Variants in UTP4 observed in about 807,000 individuals in gnomAD.
UTP4 encodes the protein U3 small nucleolar RNA-associated protein 4 homolog.
UTP4 carries 45 observed loss-of-function variants against 82.4 expected under a neutral mutation model. That is an observed-to-expected ratio of 0.55 (90% CI 0.43 to 0.70). UTP4 has a LOEUF of 0.70. Among genes scored for constraint, UTP4 ranks in the 30% least tolerant of loss-of-function variants. The pLI is 0.00. For missense variants in UTP4, 819 were observed against 858.3 expected (o/e 0.95, Z 0.57); for synonymous variants, 348 against 300.3 (o/e 1.16, Z -1.64).
At chr16:69,140,444 G>A (rs117573633) in intron 5 of UTP4, among the ~76,000 whole-genome samples, 1,785 of 152,198 alleles carry the variant, frequency 0.012, 20 homozygotes, top group Non-Finnish European at 0.018. Flanking sequence ...GGCTGGGCGC[G>A]GTGGCTCATG....
At chr16:69,156,179 A>T (rs1343610585) in intron 11 of UTP4, among the ~76,000 whole-genome samples, 186 bp downstream of exon 11, 19 of 106,838 alleles carry the variant, frequency 1.8e-4, no homozygotes, top group Admixed American at 9.5e-4. Context: ...TTTGAGACGG[A>T]GTTTTGCTCT....
At chr16:69,168,571 C>A (rs1001863636) in intron 16 of UTP4, among the ~76,000 whole-genome samples, 3 of 151,896 alleles carry the variant, frequency 2.0e-5, no homozygotes. Context: ...GCACGTTGAT[C>A]ATGTCTATGA....
At chr16:69,151,051 G>T in intron 8 of UTP4, 147 bp downstream of exon 8, 3 of 696,592 alleles carry the variant, frequency 4.3e-6, no homozygotes, top group Non-Finnish European at 7.6e-6. Flanking sequence ...TTGTTGCCCA[G>T]GCTGGAGTGC....
At chr16:69,160,598 CTT>C (rs369908672) in intron 13 of UTP4, 136 bp downstream of exon 13, 8,830 of 546,524 alleles carry the variant, frequency 0.016, no homozygotes, top group East Asian at 0.026. Flanking sequence ...CTTTTCTTTT[CTT>C]TTTTTTTTTT....
At chr16:69,143,060 G>A (rs985899046) in intron 5 of UTP4, 118 bp from the exon 6 acceptor site, 25 of 1,012,408 alleles carry the variant, frequency 2.5e-5, no homozygotes, top group Non-Finnish European at 3.3e-5. Flanking sequence ...GTCTCACTTC[G>A]TTGCCTAGGC....
At chr16:69,151,094 C>G (rs1963251440) in intron 8 of UTP4, among the ~76,000 whole-genome samples, 190 bp downstream of exon 8, 1 of 151,888 alleles carries the variant, frequency 6.6e-6, no homozygotes, top group South Asian at 2.1e-4. Context: ...ACAACCTCCA[C>G]CTCCCGGGTT....
chr16:69,162,836 C>T (rs1159506218), intron 13 of UTP4, among the ~76,000 whole-genome samples: 1 of 149,676 alleles, frequency 6.7e-6, no homozygotes, highest in Non-Finnish European at 1.5e-5. Flanking sequence ...TTGCAGTGAG[C>T]TGATTATCAC....
chr16:69,165,807 A>C (rs1188673818), intron 15 of UTP4: 1 of 548,870 alleles, frequency 1.8e-6, no homozygotes, highest in Non-Finnish European at 3.3e-6. Flanking sequence ...TAAGCACATA[A>C]ATCTTACACA....
At chr16:69,148,475 G>T (rs1258202401) in intron 6 of UTP4, among the ~76,000 whole-genome samples, 1 of 151,840 alleles carries the variant, frequency 6.6e-6, no homozygotes, top group Non-Finnish European at 1.5e-5. Flanking sequence ...CAAGTGATCC[G>T]CCCGCCTCAG....
chr16:69,150,325 ATT>A lies in UTP4; in HGVS notation c.739-209_739-208del, dbSNP rs1963227022. Reference sequence around the variant, plus strand: ...AAGCGTTGCTGTACTGTAGACGTTAATTTTGTCAGTAGGGGGCGCATTGTTAC... The same window carrying A: ...AAGCGTTGCTGTACTGTAGACGTTAATTGTCAGTAGGGGGCGCATTGTTAC... On this transcript the variant is annotated intron_variant, in intron 6 of 16. Coordinates refer to ENST00000314423, the MANE Select transcript of UTP4 (RefSeq NM_032830.3). Among the ~76,000 whole-genome samples the A allele has an allele frequency of 2.6e-5, 4 of 152,196 alleles. No individual in the cohort carries two copies. In the South Asian group the frequency reaches 8.3e-4, roughly 32 times the overall value.
intron 11 of UTP4, among the ~76,000 whole-genome samples, chr16:69,156,305 C>G (rs1346227774): frequency 6.6e-6 from 1 of 151,884 alleles, no homozygotes; most frequent in African/African-American, 2.4e-5. Flanking sequence ...CAAGCACCCA[C>G]CACCACACCT....
At chr16:69,147,277 GTGGAT>G (rs1366512866) in intron 6 of UTP4, among the ~76,000 whole-genome samples, 1 of 151,716 alleles carries the variant, frequency 6.6e-6, no homozygotes, top group African/African-American at 2.4e-5. Flanking sequence ...GCCGATGCGG[GTGGAT>G]TGGCTGAGCT....
At chr16:69,154,316 G>A in intron 9 of UTP4, 77 bp from the exon 10 acceptor site, 2 of 1,156,766 alleles carry the variant, frequency 1.7e-6, no homozygotes, top group Non-Finnish European at 2.6e-6. Flanking sequence ...TTTTTCCAAG[G>A]AGTAACTTTT....
At chr16:69,133,090 G>T (rs945909055) in intron 1 of UTP4, 2 of 309,252 alleles carry the variant, frequency 6.5e-6, no homozygotes, top group Non-Finnish European at 1.2e-5. Context: ...GCTCGGTTCT[G>T]CCTGCCCCAT....
chr16:69,166,137 G>A, intron 15 of UTP4: 1 of 169,728 alleles, frequency 5.9e-6, no homozygotes, highest in South Asian at 1.5e-4. Flanking sequence ...GATTCACCCT[G>A]AATTTGTATG....
rs577805595 is a variant in UTP4 at position 69,134,582 on chromosome 16, A to C, written c.159+964A>C. 5.9e-5 allele frequency among the ~76,000 whole-genome samples: 9 copies of C among 152,060 alleles called. No individual in the cohort carries two copies. The East Asian group carries it at 1.4e-3, about 23-fold the overall frequency. On this transcript the variant is annotated intron_variant, in intron 2 of 16. Transcript: ENST00000314423. ...GGATGATTTACTGAGCTCACCCCTGAAGAACTAATCAAAAGGTAAAAACTA... is the reference window on the plus strand; with the variant it reads ...GGATGATTTACTGAGCTCACCCCTGCAGAACTAATCAAAAGGTAAAAACTA...
At chr16:69,162,680 C>G (rs1963592920) in intron 13 of UTP4, among the ~76,000 whole-genome samples, 2 of 149,202 alleles carry the variant, frequency 1.3e-5, no homozygotes, top group African/African-American at 5.0e-5. Flanking sequence ...CCATTGCACT[C>G]CAGCCTGGGA....
intron 13 of UTP4, among the ~76,000 whole-genome samples, chr16:69,162,359 T>C (rs1039623740): frequency 2.7e-5 from 4 of 150,870 alleles, no homozygotes; most frequent in African/African-American, 9.7e-5. Context: ...GGGTGGATCA[T>C]GAGGTCAGAA....
At chr16:69,142,000 C>T (rs150571537) in intron 5 of UTP4, 15 of 137,184 alleles carry the variant, frequency 1.1e-4, no homozygotes, top group African/African-American at 2.9e-4. Context: ...CCCCTCACCC[C>T]GAAACTCTTC....
Sources: gnomAD v4.1 joint callset for allele counts (sites outside exome capture counted in the v4.1 genomes callset) on GRCh38, gnomAD v4.1.1 for gene constraint, MANE v1.5 for transcripts, NCBI Gene and HGNC (gene_info 2026-07-23, HGNC 2026-07-21) for gene names.